Variants in CACNA2D2 observed in about 807,000 individuals in gnomAD.
The protein encoded by CACNA2D2 is calcium voltage-gated channel auxiliary subunit alpha2delta 2.
Under a neutral mutation model 166.4 loss-of-function variants are expected in CACNA2D2, and 48 were observed. The observed-to-expected ratio is 0.29, with a 90% CI of 0.23 to 0.37. CACNA2D2 has a LOEUF of 0.37. CACNA2D2 is among the 10% of genes least tolerant of loss of function. The pLI, the probability that CACNA2D2 is intolerant of heterozygous loss-of-function variation, is 1.00. For missense variants in CACNA2D2, 1,122 were observed against 1,433.0 expected, an observed-to-expected ratio of 0.78 and a Z score of 3.50; for synonymous variants, 561 against 573.7, an observed-to-expected ratio of 0.98 and a Z score of 0.32.
chr3:50,366,861 GC>G lies in CACNA2D2; in HGVS notation c.2558del (p.Ser853ThrfsTer63). 6.2e-7 allele frequency: 1 copy of G among 1,613,546 alleles called. No homozygotes were observed. Among genetic ancestry groups the G allele is most frequent in the Non-Finnish European group, 8.5e-7 (1 of 1,179,996 alleles). On this transcript the variant is annotated frameshift_variant, in exon 29 of 38. Coordinates refer to ENST00000424201, the MANE Select transcript of CACNA2D2 (RefSeq NM_006030.4). LOFTEE classifies it high-confidence loss of function. The surrounding 1 kb of genome is among the most constrained non-coding windows in gnomAD (Gnocchi z 5.9). ...GAGGCTGGTCTTGGTGGGTACGGTT[GC>G]TGGCTAGCACCTTGAACTTCTCAGC... ...AWAEKFKVLASNRTHQDQPQK... is the reference protein window; with the variant it reads ...AWAEKFKVLAXNRTHQDQPQK...
Position 50,380,683 on chromosome 3 carries a change from G to A in CACNA2D2, c.842+65C>T. 1 of 1,282,838 alleles carries A rather than the reference G, an allele frequency of 7.8e-7. No individual in the cohort carries two copies. The highest frequency in any genetic ancestry group is 3.1e-5 in the Admixed American group (1 of 32,714). The allele number at this position is 1,282,838 out of a possible 1,614,324, so 79.5% of individuals were successfully genotyped here. ...GGAGGCTTGGAAATGGGGAGGGAGG[G>A]GAGCAGGCAGGAAAGGTGGGGAACT... On this transcript the variant is annotated intron_variant, in intron 8 of 37. Transcript: ENST00000424201. The surrounding 1 kb of genome is among the most constrained non-coding windows in gnomAD (Gnocchi z 4.9).
intron 4 of CACNA2D2, among the ~76,000 whole-genome samples, chr3:50,392,240 A>G (rs1031163558): frequency 1.7e-4 from 26 of 152,312 alleles, no homozygotes; most frequent in African/African-American, 6.3e-4. Context: ...TCCCTCCTGC[A>G]GCCACTGCTG....
chr3:50,477,193 T>G (rs1486677641), intron 1 of CACNA2D2, among the ~76,000 whole-genome samples: 1 of 151,806 alleles, frequency 6.6e-6, no homozygotes, highest in Non-Finnish European at 1.5e-5. Flanking sequence ...CCTCCCAAAG[T>G]GCTGGGATTA....
intron 3 of CACNA2D2, among the ~76,000 whole-genome samples, chr3:50,420,631 G>A (rs975369581): frequency 6.6e-6 from 1 of 152,162 alleles, no homozygotes; most frequent in Non-Finnish European, 1.5e-5. Flanking sequence ...AGAGTGGGAG[G>A]GTGTGGGGGC....
chr3:50,503,818 C>T (rs1215566770), upstream of CACNA2D2, among the ~76,000 whole-genome samples: 3 of 151,694 alleles, frequency 2.0e-5, no homozygotes, highest in Non-Finnish European at 4.4e-5. Context: ...TCCTGCCCTA[C>T]TGGCTCGGGC....
At chr3:50,406,787 C>T (rs567047657) in intron 3 of CACNA2D2, among the ~76,000 whole-genome samples, 3 of 151,908 alleles carry the variant, frequency 2.0e-5, no homozygotes, top group East Asian at 4.1e-4. Context: ...GACCATCACC[C>T]CACTGTGGTC....
At chr3:50,393,246 C>T (rs773835138) in intron 4 of CACNA2D2, among the ~76,000 whole-genome samples, 1 of 152,178 alleles carries the variant, frequency 6.6e-6, no homozygotes, top group Non-Finnish European at 1.5e-5. Context: ...GTCAGGTCTG[C>T]CACCCCCACC....
chr3:50,479,504 T>G (rs973898185), intron 1 of CACNA2D2, among the ~76,000 whole-genome samples: 1 of 152,226 alleles, frequency 6.6e-6, no homozygotes, highest in Admixed American at 6.5e-5. Flanking sequence ...AGATGTGACT[T>G]TGTGGGTTCT....
intron 1 of CACNA2D2, among the ~76,000 whole-genome samples, chr3:50,490,266 T>A (rs1698470149): frequency 6.6e-6 from 1 of 152,132 alleles, no homozygotes; most frequent in Non-Finnish European, 1.5e-5. Flanking sequence ...GTTAGGACAT[T>A]GCTCAGAACC....
At chr3:50,431,983 A>G (rs1259528747) in intron 3 of CACNA2D2, among the ~76,000 whole-genome samples, 2 of 108,884 alleles carry the variant, frequency 1.8e-5, no homozygotes, top group African/African-American at 6.2e-5. Context: ...TCTGTCTCAA[A>G]AAAAAAAAAA....
At chr3:50,383,398 C>T (rs979527880) in intron 6 of CACNA2D2, among the ~76,000 whole-genome samples, 1 of 152,208 alleles carries the variant, frequency 6.6e-6, no homozygotes, top group African/African-American at 2.4e-5. Flanking sequence ...TCCAAGGCTA[C>T]TCTGTAGGTG....
At position 50,377,728 on chromosome 3, in the gene CACNA2D2, T is replaced by C; in HGVS notation, c.1551+4A>G. 6.2e-7 allele frequency: 1 copy of C among 1,610,880 alleles called. No homozygotes were observed. The highest frequency in any genetic ancestry group is 8.5e-7 in the Non-Finnish European group (1 of 1,178,204). On this transcript the variant is annotated splice_donor_region_variant and intron_variant, in intron 16 of 37. Coordinates refer to ENST00000424201, the MANE Select transcript of CACNA2D2 (RefSeq NM_006030.4). The stretch of plus-strand genomic sequence containing the variant: ...CCATAGCCCCAACCCTCCCCTTTCC[T>C]CACCTTCTTTTCCCCAGGGCCATCC...
At chr3:50,422,464 A>G (rs755890930) in intron 3 of CACNA2D2, among the ~76,000 whole-genome samples, 28 of 152,154 alleles carry the variant, frequency 1.8e-4, no homozygotes, top group Non-Finnish European at 3.7e-4. Context: ...GGTAACTAGG[A>G]CACTTTTTCA....
rs587605561 is a variant in CACNA2D2, at chr3:50,380,244, G to A, written c.843-226C>T. Among the ~76,000 whole-genome samples, 1 of 152,362 alleles carries A rather than the reference G, an allele frequency of 6.6e-6. No individual in the cohort carries two copies. The highest frequency in any genetic ancestry group is 6.5e-5 in the Admixed American group (1 of 15,308). On this transcript the variant is annotated intron_variant, in intron 8 of 37. Transcript: ENST00000424201. The surrounding 1 kb of genome is among the most constrained non-coding windows in gnomAD (Gnocchi z 4.9). ...AAGGAAAAAGTACCAGGGGGTATATGAGCAGGTGATCCCCAGAGGGGGCAG... is the reference window on the plus strand; with the variant it reads ...AAGGAAAAAGTACCAGGGGGTATATAAGCAGGTGATCCCCAGAGGGGGCAG...
intron 2 of CACNA2D2, among the ~76,000 whole-genome samples, chr3:50,447,564 C>G (rs1020693543): frequency 6.6e-6 from 1 of 152,102 alleles, no homozygotes. Context: ...TGCCCCATGT[C>G]CCTCCCATAC....
Position 50,376,085 on chromosome 3 carries a change from C to T in CACNA2D2, c.1701+29G>A. On this transcript the variant is annotated intron_variant, in intron 18 of 37. Transcript: ENST00000424201. This position sits in a 1 kb window ranked among gnomAD's most constrained non-coding sequence, Gnocchi z 4.3. The stretch of plus-strand genomic sequence containing the variant: ...GAAGTCCCCATTGTGGAAGGTTTGC[C>T]CACCCTCCAGGCCACCCGTCTGGCT... 6.2e-7 allele frequency: 1 copy of T among 1,613,314 alleles called. No homozygotes were observed.
intron 1 of CACNA2D2, among the ~76,000 whole-genome samples, chr3:50,487,788 T>C (rs565092177): frequency 6.6e-6 from 1 of 152,286 alleles, no homozygotes; most frequent in African/African-American, 2.4e-5. Context: ...CAAAATGCTT[T>C]GCAGGTGCTT....
At chr3:50,413,941 CT>C (rs1413354473) in intron 3 of CACNA2D2, among the ~76,000 whole-genome samples, 3 of 151,750 alleles carry the variant, frequency 2.0e-5, no homozygotes, top group African/African-American at 4.8e-5. Context: ...ACCCACCCCC[CT>C]AGTCAGTTTG....
intron 1 of CACNA2D2, among the ~76,000 whole-genome samples, chr3:50,498,440 C>T (rs1049949649): frequency 1.3e-5 from 2 of 152,176 alleles, no homozygotes; most frequent in Admixed American, 6.5e-5. Context: ...CCTTTCTCTC[C>T]GGAATCAGAC....
Sources: gnomAD v4.1 joint callset for allele counts (sites outside exome capture counted in the v4.1 genomes callset) on GRCh38, gnomAD v4.1.1 for gene constraint, Gnocchi (gnomAD v3.1) non-coding constraint, MANE v1.5 for transcripts, NCBI Gene and HGNC (gene_info 2026-07-23, HGNC 2026-07-21) for gene names.